Variants in LRMDA observed in about 807,000 individuals in gnomAD.
LRMDA encodes the protein leucine-rich melanocyte differentiation-associated protein.
Under a neutral mutation model 29.8 loss-of-function variants are expected in LRMDA, and 18 were observed. The observed-to-expected ratio is 0.60, with a 90% CI of 0.42 to 0.90. The LOEUF (loss-of-function observed/expected upper bound fraction) is 0.90, where lower values mean the gene tolerates loss of function less well. Ranked by LOEUF, LRMDA falls within the 40% of genes least tolerant of loss-of-function variation. The probability of loss-of-function intolerance (pLI) is 0.00; values close to 1 mark genes in which losing one functional copy is unlikely to be tolerated. For synonymous variants in LRMDA, 125 were observed against 109.4 expected, an observed-to-expected ratio of 1.14 and a Z score of -0.89; for missense variants, 273 against 273.9, an observed-to-expected ratio of 1.00 and a Z score of 0.02.
At chr10:75,531,875 C>T (rs1845481208) in intron 2 of LRMDA, among the ~76,000 whole-genome samples, 1 of 150,814 alleles carries the variant, frequency 6.6e-6, no homozygotes. Flanking sequence ...GCCTGGACAA[C>T]ATGGCAAGAC....
intron 2 of LRMDA, among the ~76,000 whole-genome samples, chr10:75,525,592 CTTT>C (rs11415547): frequency 7.7e-5 from 10 of 129,702 alleles, no homozygotes; most frequent in East Asian, 6.6e-4. Flanking sequence ...TTCTTTCTTT[CTTT>C]TTTTTTTTTT....
At chr10:75,618,856 A>T (rs1841144742) in intron 2 of LRMDA, among the ~76,000 whole-genome samples, 1 of 150,836 alleles carries the variant, frequency 6.6e-6, no homozygotes, top group Non-Finnish European at 1.5e-5. Flanking sequence ...GGCTTACTGC[A>T]ACCTTTGCCT....
intron 2 of LRMDA, among the ~76,000 whole-genome samples, chr10:75,467,517 C>T (rs754960476): frequency 1.9e-4 from 29 of 152,274 alleles, no homozygotes; most frequent in Middle Eastern, 3.4e-3. Context: ...ATTTTTCCCA[C>T]GTTTTACCTC....
chr10:75,826,592 A>G (rs1844250467), intron 2 of LRMDA, among the ~76,000 whole-genome samples: 1 of 152,236 alleles, frequency 6.6e-6, no homozygotes, highest in Non-Finnish European at 1.5e-5. Context: ...ACTCATTCAC[A>G]TCTACTGAAG....
intron 3 of LRMDA, among the ~76,000 whole-genome samples, chr10:76,046,750 C>T (rs1478576319): frequency 1.3e-5 from 2 of 152,348 alleles, no homozygotes; most frequent in East Asian, 3.9e-4. Context: ...TCCCAACGTA[C>T]TGGAATTACA....
intron 2 of LRMDA, among the ~76,000 whole-genome samples, chr10:75,787,052 G>A (rs10762680): frequency 1.3e-5 from 2 of 151,998 alleles, no homozygotes; most frequent in Non-Finnish European, 2.9e-5. Context: ...CTGTGCTGTC[G>A]CCAAGGACTT....
intron 6 of LRMDA, among the ~76,000 whole-genome samples, chr10:76,477,247 T>C (rs1464607236): frequency 6.6e-6 from 1 of 151,978 alleles, no homozygotes; most frequent in African/African-American, 2.4e-5. Flanking sequence ...AGCATTCTTA[T>C]ACACCAATAA....
chr10:75,868,257 C>T (rs1376164688), intron 2 of LRMDA, among the ~76,000 whole-genome samples: 1 of 152,288 alleles, frequency 6.6e-6, no homozygotes, highest in South Asian at 2.1e-4. Context: ...CAATGCTGGG[C>T]TCTGAGGCAG....
At position 76,050,044 on chromosome 10, in the gene LRMDA, A is replaced by T. The variant is rs1014320576; in HGVS notation, c.398+2741A>T. Among the ~76,000 whole-genome samples, 7 of 152,300 alleles carry T rather than the reference A, an allele frequency of 4.6e-5. No individual in the cohort carries two copies. The East Asian group carries it at 1.3e-3, about 29-fold the overall frequency. ...TGGTTCATTTAGTGCTGTCTGAAAA[A>T]AATTCTTATTGATTGGCATCCTCTG... On this transcript the variant is annotated intron_variant, in intron 4 of 6. Transcript: ENST00000611255.
intron 5 of LRMDA, among the ~76,000 whole-genome samples, chr10:76,111,919 G>A: frequency 6.6e-6 from 1 of 152,172 alleles, no homozygotes; most frequent in Non-Finnish European, 1.5e-5. Context: ...CACCAGTCCG[G>A]GGAGCACTTA....
At position 76,312,812 on chromosome 10, in the gene LRMDA, A is replaced by G. The variant is rs551201429; in HGVS notation, c.517-11589A>G. 7.9e-5 allele frequency among the ~76,000 whole-genome samples: 12 copies of G among 151,860 alleles called. No individual in the cohort carries two copies. The South Asian group carries it at 2.5e-3, about 32-fold the overall frequency. ...GACAAGTGAGAAGCAAAATTAATTC[A>G]TATAATGCCTATTTAATTATGAAAT... is the stretch of plus-strand genomic sequence containing the variant. On this transcript the variant is annotated intron_variant, in intron 5 of 6. Transcript: ENST00000611255.
chr10:76,097,984 T>A (rs1048986162), intron 5 of LRMDA, among the ~76,000 whole-genome samples: 1 of 152,302 alleles, frequency 6.6e-6, no homozygotes, highest in East Asian at 1.9e-4. Flanking sequence ...GGAAATTCAA[T>A]ATCCTCTCTA....
intron 2 of LRMDA, among the ~76,000 whole-genome samples, chr10:75,738,620 G>C (rs1842793773): frequency 6.6e-6 from 1 of 152,158 alleles, no homozygotes; most frequent in Admixed American, 6.5e-5. Flanking sequence ...GTGCCCAAGA[G>C]TGCCGTGTGA....
intron 2 of LRMDA, among the ~76,000 whole-genome samples, chr10:75,690,994 TACACACACACACACACACACAC>T (rs3041682): frequency 1.0e-5 from 1 of 100,038 alleles, no homozygotes; most frequent in African/African-American, 4.0e-5. Context: ...TATATATATA[TACACACACACACACACACACAC>T]ACACACACAC....
At chr10:75,861,906 C>A (rs1483578965) in intron 2 of LRMDA, among the ~76,000 whole-genome samples, 2 of 152,122 alleles carry the variant, frequency 1.3e-5, no homozygotes, top group East Asian at 3.9e-4. Context: ...TTAGAATCCA[C>A]CTGCCAGGTA....
intron 6 of LRMDA, among the ~76,000 whole-genome samples, chr10:76,437,120 A>G (rs1321116475): frequency 6.6e-6 from 1 of 152,308 alleles, no homozygotes; most frequent in East Asian, 1.9e-4. Context: ...AAAAATAAAT[A>G]AATAAAACAG....
chr10:76,264,647 C>T (rs1839984909), intron 5 of LRMDA, among the ~76,000 whole-genome samples: 1 of 152,028 alleles, frequency 6.6e-6, no homozygotes, highest in Non-Finnish European at 1.5e-5. Context: ...ATTTCTATTT[C>T]TCATCTCTCG....
At position 76,154,429 on chromosome 10, in the gene LRMDA, A is replaced by G. The variant is rs903038499; in HGVS notation, c.516+95646A>G. On this transcript the variant is annotated intron_variant, in intron 5 of 6. Transcript: ENST00000611255. ...CCAAACAATATCATAGGCAACCTCT[A>G]TGTCTTTTTGAAAAATACAATATAA... Among the ~76,000 whole-genome samples the G allele has an allele frequency of 3.9e-5, 6 of 152,220 alleles. No homozygotes were observed. In the East Asian group the frequency reaches 9.6e-4, roughly 24 times the overall value.
At chr10:76,048,161 A>C (rs1039070371) in intron 4 of LRMDA, among the ~76,000 whole-genome samples, 2 of 152,220 alleles carry the variant, frequency 1.3e-5, no homozygotes, top group Non-Finnish European at 2.9e-5. Flanking sequence ...ACTCTTAAAA[A>C]TAACTTAATA....
Sources: gnomAD v4.1 joint callset for allele counts (sites outside exome capture counted in the v4.1 genomes callset) on GRCh38, gnomAD v4.1.1 for gene constraint, MANE v1.5 for transcripts, NCBI Gene and HGNC (gene_info 2026-07-23, HGNC 2026-07-21) for gene names.